The following CTCF variants were observed in gnomAD, a reference collection of about 807,000 sequenced individuals.
CTCF encodes the protein CCCTC-binding factor.
In CTCF, 7 loss-of-function variants were observed where a neutral mutation model predicts 72.3. The ratio of observed to expected loss-of-function variants is 0.10; its 90% CI spans 0.06 to 0.18. The LOEUF (loss-of-function observed/expected upper bound fraction) is 0.18, where lower values mean the gene tolerates loss of function less well. Ranked by LOEUF, CTCF falls within the 10% of genes least tolerant of loss-of-function variation. The probability of loss-of-function intolerance (pLI) is 1.00; values close to 1 mark genes in which losing one functional copy is unlikely to be tolerated. For missense variants in CTCF, 516 were observed against 949.1 expected (o/e 0.54, Z 6.00); for synonymous variants, 374 against 315.8 (o/e 1.18, Z -1.95).
At chr16:67,604,964 ATTTTTTTTTTTTTTTT>A (rs34873720) in intron 2 of CTCF, among the ~76,000 whole-genome samples, 1 of 73,776 alleles carries the variant, frequency 1.4e-5, no homozygotes, top group African/African-American at 6.3e-5. Context: ...TATAAATGGG[ATTTTTTTTTTTTTTTT>A]TTTTTTTTTT....
chr16:67,616,627 C>G, intron 4 of CTCF, 118 bp from the exon 5 acceptor site: 1 of 1,161,086 alleles, frequency 8.6e-7, no homozygotes, highest in Non-Finnish European at 1.2e-6. Flanking sequence ...TTTCAAGCTA[C>G]TGCAGTTGAT....
At chr16:67,568,381 T>C (rs2051369444) in intron 1 of CTCF, 1 of 150,198 alleles carries the variant, frequency 6.7e-6, no homozygotes, top group South Asian at 2.1e-4. Flanking sequence ...TGCCTGGCCT[T>C]TTTTTTGTTG....
intron 2 of CTCF, among the ~76,000 whole-genome samples, chr16:67,601,934 G>A (rs1280911041): frequency 6.6e-6 from 1 of 150,582 alleles, no homozygotes; most frequent in Non-Finnish European, 1.5e-5. Context: ...CCCAATCTTG[G>A]CTCACTGCAG....
intron 2 of CTCF, among the ~76,000 whole-genome samples, chr16:67,601,424 C>T (rs2051890559): frequency 6.6e-6 from 1 of 151,380 alleles, no homozygotes; most frequent in South Asian, 2.1e-4. Flanking sequence ...CTGCAAGCTC[C>T]ACCTCTCGGG....
chr16:67,616,221 A>G (rs2052129555), intron 4 of CTCF: 1 of 153,428 alleles, frequency 6.5e-6, no homozygotes, highest in Non-Finnish European at 1.5e-5. Context: ...TTCCTTATCA[A>G]GACAGATACA....
At chr16:67,615,512 G>A (rs958035996) in intron 4 of CTCF, 2 of 152,300 alleles carry the variant, frequency 1.3e-5, no homozygotes, top group Non-Finnish European at 2.9e-5. Context: ...CTACTGGAGA[G>A]GCTGAAGTAG....
intron 7 of CTCF, among the ~76,000 whole-genome samples, chr16:67,625,569 T>C (rs1207386250): frequency 3.3e-5 from 5 of 152,208 alleles, no homozygotes. Flanking sequence ...GGTGATCTTA[T>C]CAGCTCCCAT....
At chr16:67,619,167 A>T (rs1386752099) in intron 5 of CTCF, among the ~76,000 whole-genome samples, 5 of 152,162 alleles carry the variant, frequency 3.3e-5, no homozygotes, top group Non-Finnish European at 7.4e-5. Context: ...CAGGCGCGGT[A>T]GCTCACGCCT....
chr16:67,584,337 CTTTTTT>C (rs904086024), intron 2 of CTCF, among the ~76,000 whole-genome samples: 1 of 105,860 alleles, frequency 9.4e-6, no homozygotes. Flanking sequence ...AAAAAGTCTT[CTTTTTT>C]TTTTTTTTTT....
chr16:67,565,247 C>G (rs149538057), intron 1 of CTCF, among the ~76,000 whole-genome samples: 1 of 152,136 alleles, frequency 6.6e-6, no homozygotes. Flanking sequence ...GGTGATCCAC[C>G]CGCCTCAGCC....
At chr16:67,565,546 C>T (rs1321248623) in intron 1 of CTCF, among the ~76,000 whole-genome samples, 2 of 151,736 alleles carry the variant, frequency 1.3e-5, no homozygotes, top group Non-Finnish European at 2.9e-5. Flanking sequence ...TGGTGGCACA[C>T]GCCGTAGTCC....
chr16:67,577,053 C>G (rs1453893599), intron 2 of CTCF, among the ~76,000 whole-genome samples: 1 of 151,978 alleles, frequency 6.6e-6, no homozygotes. Context: ...CTCCTGTTGC[C>G]TGTATTGCAT....
At chr16:67,587,747 G>C (rs1387733873) in intron 2 of CTCF, among the ~76,000 whole-genome samples, 5 of 151,960 alleles carry the variant, frequency 3.3e-5, no homozygotes, top group Admixed American at 6.6e-5. Context: ...GACATAGCAA[G>C]ACCCCATTCT....
chr16:67,594,814 G>T (rs1218172770), intron 2 of CTCF, among the ~76,000 whole-genome samples: 1 of 152,096 alleles, frequency 6.6e-6, no homozygotes, highest in African/African-American at 2.4e-5. Context: ...GAAACAAAAG[G>T]CATAGTTACT....
Position 67,580,772 on chromosome 16 carries a change from A to ATTTTTTTTTTTTTT in CTCF, c.-10+9518_-10+9531dup, listed in dbSNP as rs781616750. 3.8e-4 allele frequency among the ~76,000 whole-genome samples: 46 copies of ATTTTTTTTTTTTTT among 120,158 alleles called. 1 individual carries two copies. Among genetic ancestry groups the ATTTTTTTTTTTTTT allele is most frequent in the African/African-American group, 1.3e-3 (39 of 28,914 alleles). The allele number at this position is 120,158 out of a possible 152,430, so 78.8% of individuals were successfully genotyped here. A position where few individuals can be genotyped will look rare whatever the true frequency, so the allele number is the denominator to read the frequency against. The stretch of plus-strand genomic sequence containing the variant: ...GGCACCTGCCCCAACGCCTGGCCAA[A>ATTTTTTTTTTTTTT]TTTTTTTTTTTTTTTTTTTTTTTAG... On this transcript the variant is annotated intron_variant, in intron 2 of 11. Coordinates refer to ENST00000264010, the MANE Select transcript of CTCF (RefSeq NM_006565.4).
chr16:67,564,830 C>T (rs2051321510), intron 1 of CTCF, among the ~76,000 whole-genome samples: 1 of 152,150 alleles, frequency 6.6e-6, no homozygotes, highest in Non-Finnish European at 1.5e-5. Flanking sequence ...CAGTCATCAG[C>T]TTCTTGGGTT....
At chr16:67,581,127 A>G (rs2051575399) in intron 2 of CTCF, among the ~76,000 whole-genome samples, 1 of 148,808 alleles carries the variant, frequency 6.7e-6, no homozygotes, top group South Asian at 2.1e-4. Flanking sequence ...ACGGGGTTTC[A>G]CCGTGTTAGC....
intron 1 of CTCF, among the ~76,000 whole-genome samples, chr16:67,566,822 C>T (rs974395757): frequency 3.9e-5 from 6 of 152,108 alleles, no homozygotes; most frequent in Non-Finnish European, 8.8e-5. Context: ...CTGCCCGCCT[C>T]CGCCTCTCAA....
At chr16:67,585,269 C>G (rs2051654625) in intron 2 of CTCF, among the ~76,000 whole-genome samples, 1 of 152,144 alleles carries the variant, frequency 6.6e-6, no homozygotes, top group Admixed American at 6.6e-5. Flanking sequence ...AGGCTCGTCT[C>G]AAACTCCTGA....
Sources: gnomAD v4.1 joint callset for allele counts (sites outside exome capture counted in the v4.1 genomes callset) on GRCh38, gnomAD v4.1.1 for gene constraint, MANE v1.5 for transcripts, NCBI Gene and HGNC (gene_info 2026-07-23, HGNC 2026-07-21) for gene names.